The following VSIG10L variants were observed in gnomAD, a reference collection of about 807,000 sequenced individuals.
VSIG10L encodes the protein V-set and immunoglobulin domain-containing protein 10-like.
In VSIG10L, 63 loss-of-function variants were observed where a neutral mutation model predicts 67.3. That is an observed-to-expected ratio of 0.94 (90% CI 0.76 to 1.15). VSIG10L has a LOEUF of 1.15. Among genes scored for constraint, VSIG10L ranks in the 50% most tolerant of loss-of-function variants. The probability of loss-of-function intolerance (pLI) is 0.00; values close to 1 mark genes in which losing one functional copy is unlikely to be tolerated. For missense variants in VSIG10L, 1,050 were observed against 1,177.5 expected (o/e 0.89, Z 1.58); for synonymous variants, 499 against 524.9 (o/e 0.95, Z 0.67).
chr19:51,341,293 C>T lies in VSIG10L; in HGVS notation c.755G>A (p.Arg252Gln), dbSNP rs1020822340. ...APLISLDPAH[R>Q]DHLRFDQARG... ...GGCCTGGTCAAATCGCAGGTGGTCT[C>T]GGTGAGCAGGGTCCAGGCTGATCAG... Residue 252 changes from arginine (R) to glutamine (Q), a missense_variant, in exon 2 of 10, where the codon CGA becomes CAA. By Grantham distance (43) the Arg-to-Gln change is conservative (BLOSUM62 1). Around this residue, in one of 3 missense-constraint regions of VSIG10L, gnomAD observed 511 missense variants for 557.9 expected, o/e 0.92. Coordinates refer to ENST00000335624, the MANE Select transcript of VSIG10L (RefSeq NM_001163922.3). 5 of 1,546,786 alleles carry T rather than the reference C, an allele frequency of 3.2e-6. No individual in the cohort carries two copies. Among genetic ancestry groups the T allele is most frequent in the East Asian group, 2.4e-5 (1 of 40,926 alleles).
chr19:51,332,378 T>G lies in VSIG10L; in HGVS notation c.*233A>C. On this transcript the variant is annotated 3_prime_UTR_variant, in exon 10 of 10. Transcript: ENST00000335624. ...ACCACACAGTTAGATCAGCAAGAGT[T>G]TCCCAGCCAAGAAGTCACATCTCCT... The G allele has an allele frequency of 1.6e-6, 1 of 612,160 alleles. No individual in the cohort carries two copies. Among genetic ancestry groups the G allele is most frequent in the East Asian group, 3.0e-5 (1 of 33,872 alleles). The allele number at this position is 612,160 out of a possible 1,614,324, so 37.9% of individuals were successfully genotyped here.
At position 51,341,502 on chromosome 19, in the gene VSIG10L, AG is replaced by A; in HGVS notation, c.545del (p.Ser182LeufsTer30). Reference protein sequence around the residue: ...LSAQSPESKFSAETHSAASFP... With the variant: ...LSAQSPESKFXAETHSAASFP... ...AGCTTGCAGCTGAGTGGGTCTCTGC[AG>A]AAAATTTGGATTCAGGGCTCTGGGC... On this transcript the variant is annotated frameshift_variant, in exon 2 of 10. Coordinates refer to ENST00000335624, the MANE Select transcript of VSIG10L (RefSeq NM_001163922.3). LOFTEE classifies it high-confidence loss of function. The A allele has an allele frequency of 6.4e-7, 1 of 1,550,992 alleles. No individual in the cohort carries two copies. The highest frequency in any genetic ancestry group is 8.7e-7 in the Non-Finnish European group (1 of 1,146,714).
intron 5 of VSIG10L, among the ~76,000 whole-genome samples, chr19:51,338,606 CGCCCG>C (rs1381625721): frequency 6.6e-6 from 1 of 152,162 alleles, no homozygotes; most frequent in Non-Finnish European, 1.5e-5. Flanking sequence ...GCGATTATTG[CGCCCG>C]GCCTTGTTAC....
rs1412478301 is a variant in VSIG10L, at chr19:51,339,098, C to T, written c.1519G>A (p.Gly507Arg). 3.0e-6 allele frequency: 4 copies of T among 1,344,512 alleles called. No homozygotes were observed. The South Asian group carries it at 5.6e-5, about 19-fold the overall frequency. The allele number at this position is 1,344,512 out of a possible 1,614,324, so 83.3% of individuals were successfully genotyped here. A position where few individuals can be genotyped will look rare whatever the true frequency, so the allele number is the denominator to read the frequency against. ...CAGCGGAAGCGGAGGCTGCGGTCCCCGGGACCCCCTTCAACTGAGCACTGT... is the reference window on the plus strand; with the variant it reads ...CAGCGGAAGCGGAGGCTGCGGTCCCTGGGACCCCCTTCAACTGAGCACTGT... ...APQCSVEGGPGDRSLRFRCSW... is the reference protein window; with the variant it reads ...APQCSVEGGPRDRSLRFRCSW... Residue 507 changes from glycine to arginine, a missense_variant, in exon 5 of 10, where the codon GGG (glycine) becomes AGG (arginine). Gly to Arg is a moderately radical substitution (Grantham distance 125). Around this residue, in one of 3 missense-constraint regions of VSIG10L, gnomAD observed 529 missense variants for 584.9 expected, o/e 0.90. Coordinates refer to ENST00000335624, the MANE Select transcript of VSIG10L (RefSeq NM_001163922.3).
Position 51,334,393 on chromosome 19 carries a change from C to G in VSIG10L, c.2306-89G>C. ...AAGCCCCCTAACTTTGTGCTGGGAC[C>G]CAGGAGTCCGGCCCCCACTGTCCCT... On this transcript the variant is annotated intron_variant, in intron 7 of 9. Transcript: ENST00000335624. 2.5e-6 allele frequency: 3 copies of G among 1,185,462 alleles called. No homozygotes were observed. In the Admixed American group the frequency reaches 7.1e-5, roughly 28 times the overall value. 73.4% of individuals were successfully genotyped at this position (1,185,462 alleles called of 1,614,324 possible). A position where few individuals can be genotyped will look rare whatever the true frequency, so the allele number is the denominator to read the frequency against.
intron 7 of VSIG10L, among the ~76,000 whole-genome samples, chr19:51,335,266 A>G (rs1985454833): frequency 6.6e-6 from 1 of 152,178 alleles, no homozygotes; most frequent in Admixed American, 6.6e-5. Context: ...TGCAGAAATT[A>G]ATGGACGGCT....
chr19:51,341,908 C>T lies in VSIG10L; in HGVS notation c.140G>A (p.Gly47Glu). ...FSSDSKSSSQ[G>E]LGVEVPSIKP... ...GATGGAGGGAACTTCCACACCCAGC[C>T]CCTGGGAAGAGCTCTTTGAGTCTGA... Residue 47 changes from glycine to glutamate, a missense_variant, in exon 2 of 10, where the codon GGG (glycine) becomes GAG (glutamate). By Grantham distance (98) the Gly-to-Glu change is moderately conservative (BLOSUM62 -2). Around this residue, in one of 3 missense-constraint regions of VSIG10L, gnomAD observed 511 missense variants for 557.9 expected, o/e 0.92. Coordinates refer to ENST00000335624, the MANE Select transcript of VSIG10L (RefSeq NM_001163922.3). 1 of 1,551,616 alleles carries T rather than the reference C, an allele frequency of 6.4e-7. No homozygotes were observed. The highest frequency in any genetic ancestry group is 8.7e-7 in the Non-Finnish European group (1 of 1,146,968).
In VSIG10L at chr19:51,334,321, G is replaced by A. The variant is rs887301356; in HGVS notation, c.2306-17C>T. On this transcript the variant is annotated splice_polypyrimidine_tract_variant and intron_variant, in intron 7 of 9. Transcript: ENST00000335624. ...ACGTGGGGCCTGGAAGAGACAAAGA[G>A]AAGAAAGAGAAGGGGAACAGGAACC... 6.5e-7 allele frequency: 1 copy of A among 1,547,700 alleles called. No individual in the cohort carries two copies.
At chr19:51,336,291 T>A (rs1436248101) in intron 7 of VSIG10L, among the ~76,000 whole-genome samples, 1 of 152,120 alleles carries the variant, frequency 6.6e-6, no homozygotes, top group Non-Finnish European at 1.5e-5. Context: ...GTGCGGTGGC[T>A]CACACCTGTA....
chr19:51,332,201 T>C lies in VSIG10L; in HGVS notation c.*410A>G. On this transcript the variant is annotated 3_prime_UTR_variant, in exon 10 of 10. Coordinates refer to ENST00000335624, the MANE Select transcript of VSIG10L (RefSeq NM_001163922.3). ...TGACATGATCTGATCTGTTTTAAGATGAAGATGCTGGGAGCTGGATGGGGT... is the reference window on the plus strand; with the variant it reads ...TGACATGATCTGATCTGTTTTAAGACGAAGATGCTGGGAGCTGGATGGGGT... 3 of 326,476 alleles carry C rather than the reference T, an allele frequency of 9.2e-6. No homozygotes were observed. Among genetic ancestry groups the C allele is most frequent in the Non-Finnish European group, 1.8e-5 (3 of 166,048 alleles). 20.2% of individuals were successfully genotyped at this position (326,476 alleles called of 1,614,324 possible).
In VSIG10L at chr19:51,341,414, C is replaced by G; in HGVS notation, c.634G>C (p.Val212Leu). 1 of 1,533,238 alleles carries G rather than the reference C, an allele frequency of 6.5e-7. No individual in the cohort carries two copies. Among genetic ancestry groups the G allele is most frequent in the Non-Finnish European group, 8.8e-7 (1 of 1,138,958 alleles). The allele number at this position is 1,533,238 out of a possible 1,614,324, so 95.0% of individuals were successfully genotyped here. A position where few individuals can be genotyped will look rare whatever the true frequency, so the allele number is the denominator to read the frequency against. ...LVGTTIRLPL[V>L]PIPNPGPPTS... Reference sequence around the variant, plus strand: ...GGGGGCCCAGGGTTGGGGATTGGGACTAGGGGGAGCCGGATGGTGGTCCCC... The same window carrying G: ...GGGGGCCCAGGGTTGGGGATTGGGAGTAGGGGGAGCCGGATGGTGGTCCCC... The change falls in exon 2 of 10, where the codon GTC (valine) becomes CTC (leucine). Residue 212 changes from valine (V) to leucine (L), a missense_variant. Physicochemically the swap from Val to Leu is conservative, Grantham distance 32. Coordinates refer to ENST00000335624, the MANE Select transcript of VSIG10L (RefSeq NM_001163922.3).
Position 51,340,874 on chromosome 19 carries a change from C to A in VSIG10L, c.896-148G>T. 8.8e-7 allele frequency: 1 copy of A among 1,138,098 alleles called. No homozygotes were observed. The highest frequency in any genetic ancestry group is 1.2e-6 in the Non-Finnish European group (1 of 849,452). The allele number at this position is 1,138,098 out of a possible 1,614,324, so 70.5% of individuals were successfully genotyped here. A position where few individuals can be genotyped will look rare whatever the true frequency, so the allele number is the denominator to read the frequency against. On this transcript the variant is annotated intron_variant, in intron 2 of 9. Coordinates refer to ENST00000335624, the MANE Select transcript of VSIG10L (RefSeq NM_001163922.3). The surrounding 1 kb of genome is among the most constrained non-coding windows in gnomAD (Gnocchi z 6.3). ...TCTCATAAACCTATGAGTTTGAGCC[C>A]CCAGACACCTCCTCTCCGGGACCCA...
At chr19:51,333,982 T>C (rs1159780781) in intron 8 of VSIG10L, 37 bp from the exon 9 acceptor site, 82 of 1,550,406 alleles carry the variant, frequency 5.3e-5, no homozygotes, top group Non-Finnish European at 7.2e-5. Flanking sequence ...GAACACGTGA[T>C]TGGCTGCCCC....
chr19:51,336,450 A>G (rs1223689458), intron 7 of VSIG10L, among the ~76,000 whole-genome samples: 1 of 152,128 alleles, frequency 6.6e-6, no homozygotes, highest in Non-Finnish European at 1.5e-5. Flanking sequence ...GCTACTCGGG[A>G]GGCTGAGGCA....
In VSIG10L at chr19:51,340,820, C is replaced by T; in HGVS notation, c.896-94G>A. ...ACCCCAGCCGCTGCTCCCTCTAAGC[C>T]CCTGGAGTCTCAGCCCCCATCCCTC... On this transcript the variant is annotated intron_variant, in intron 2 of 9. Coordinates refer to ENST00000335624, the MANE Select transcript of VSIG10L (RefSeq NM_001163922.3). This position sits in a 1 kb window ranked among gnomAD's most constrained non-coding sequence, Gnocchi z 6.3. 1 of 1,354,450 alleles carries T rather than the reference C, an allele frequency of 7.4e-7. No individual in the cohort carries two copies. Among genetic ancestry groups the T allele is most frequent in the Non-Finnish European group, 9.7e-7 (1 of 1,035,828 alleles). 83.9% of individuals were successfully genotyped at this position (1,354,450 alleles called of 1,614,324 possible).
At position 51,337,277 on chromosome 19, in the gene VSIG10L, G is replaced by T. The variant is rs890752848; in HGVS notation, c.2266C>A (p.Gln756Lys). Residue 756 changes from glutamine (Q) to lysine (K), a missense_variant, in exon 7 of 10, where the codon CAG becomes AAG. Gln to Lys is a moderately conservative substitution (Grantham distance 53). This residue lies in a region of VSIG10L where 529 missense variants were observed against 584.9 expected (regional missense o/e 0.90). Transcript: ENST00000335624. ...TFRILPILGG[Q>K]PGTPSQSRVY... Reference sequence around the variant, plus strand: ...CGGCTTTGTGATGGAGTCCCTGGCTGGCCCCCCAGGATGGGCAGGATCCGA... The same window carrying T: ...CGGCTTTGTGATGGAGTCCCTGGCTTGCCCCCCAGGATGGGCAGGATCCGA... 4 of 1,550,684 alleles carry T rather than the reference G, an allele frequency of 2.6e-6. No homozygotes were observed. In the African/African-American group the frequency reaches 4.1e-5, roughly 16 times the overall value.
Position 51,331,963 on chromosome 19 carries a change from A to T in VSIG10L, c.*648T>A, listed in dbSNP as rs1408037065. 1 of 152,606 alleles carries T rather than the reference A, an allele frequency of 6.6e-6. No individual in the cohort carries two copies. The highest frequency in any genetic ancestry group is 1.9e-4 in the East Asian group (1 of 5,194). 9.5% of individuals were successfully genotyped at this position (152,606 alleles called of 1,614,324 possible). ...GAAATGAATGACATATGGGAAAAAGAAGTGTTATAAGCACAGCAAACTCTA... is the reference window on the plus strand; with the variant it reads ...GAAATGAATGACATATGGGAAAAAGTAGTGTTATAAGCACAGCAAACTCTA... On this transcript the variant is annotated 3_prime_UTR_variant, in exon 10 of 10. Coordinates refer to ENST00000335624, the MANE Select transcript of VSIG10L (RefSeq NM_001163922.3).
rs1157244226 is a variant in VSIG10L, at chr19:51,337,996, G to A, written c.1942C>T (p.Leu648=). The change falls in exon 6 of 10, where the codon CTG becomes TTG. Residue 648 remains leucine (L), a synonymous_variant. Transcript: ENST00000335624. The part of the protein sequence containing the change: ...HIGNFSLDWD[L]GNYSVLCSGA... ...CTGCACAGCACGGAGTAATTTCCCA[G>A]GTCCCAATCCAGGCTGAAGTTGCCG... 6.4e-7 allele frequency: 1 copy of A among 1,551,702 alleles called. No homozygotes were observed. The highest frequency in any genetic ancestry group is 2.0e-5 in the Admixed American group (1 of 50,994).
Position 51,340,061 on chromosome 19 carries a change from C to T in VSIG10L, c.1428G>A (p.Pro476=), listed in dbSNP as rs1299937772. The T allele has an allele frequency of 1.4e-6, 2 of 1,435,136 alleles. No homozygotes were observed. The highest frequency in any genetic ancestry group is 1.4e-5 in the South Asian group (1 of 73,368). 88.9% of individuals were successfully genotyped at this position (1,435,136 alleles called of 1,614,324 possible). A position where few individuals can be genotyped will look rare whatever the true frequency, so the allele number is the denominator to read the frequency against. The part of the protein sequence containing the change: ...AGTYACLAAN[P]RTGRRRRSLL... The stretch of plus-strand genomic sequence containing the variant: ...GCGAGCGGCGGCGGCGGCCGGTACG[C>T]GGGTTCGCCGCCAGGCAGGCGTAGG... The change falls in exon 4 of 10, where the codon CCG becomes CCA. Residue 476 remains proline, a synonymous_variant. Coordinates refer to ENST00000335624, the MANE Select transcript of VSIG10L (RefSeq NM_001163922.3). The surrounding 1 kb of genome is among the most constrained non-coding windows in gnomAD (Gnocchi z 6.3).
Sources: allele counts gnomAD v4.1 joint callset (sites outside exome capture counted in the v4.1 genomes callset), GRCh38; gene constraint gnomAD v4.1.1; regional missense constraint gnomAD v4.1.1; non-coding constraint Gnocchi (gnomAD v3.1); transcripts MANE v1.5; gene names NCBI Gene and HGNC (gene_info 2026-07-23, HGNC 2026-07-21).